TDRP: variants seen among roughly 807,000 people sequenced by gnomAD.
TDRP encodes the protein testis development related protein, also known as testis development-related protein.
In TDRP, 12 loss-of-function variants were observed where a neutral mutation model predicts 10.5. The observed-to-expected ratio is 1.15, with a 90% CI of 0.73 to 1.86. The LOEUF is 1.86. Ranked by LOEUF, TDRP falls within the 40% of genes most tolerant of loss-of-function variation. The pLI is 0.00. For synonymous variants in TDRP, 139 were observed against 95.4 expected, an observed-to-expected ratio of 1.46 and a Z score of -2.67; for missense variants, 353 against 229.2, an observed-to-expected ratio of 1.54 and a Z score of -3.49.
At chr8:515,812 G>C (rs1273373704) in intron 1 of TDRP, among the ~76,000 whole-genome samples, 1 of 151,906 alleles carries the variant, frequency 6.6e-6, no homozygotes, top group Non-Finnish European at 1.5e-5. Context: ...TATATAAACT[G>C]AATTATAGAT....
chr8:545,776 C>G (rs989995758), upstream of TDRP: 1 of 143,174 alleles, frequency 7.0e-6, no homozygotes, highest in Non-Finnish European at 1.5e-5. Context: ...GGGCTCGGCC[C>G]GGACTGACGG....
intron 1 of TDRP, among the ~76,000 whole-genome samples, chr8:543,034 G>A (rs567229675): frequency 5.9e-5 from 9 of 152,282 alleles, no homozygotes; most frequent in Non-Finnish European, 8.8e-5. Context: ...AAGGCCAGGC[G>A]TGGTGACTCA....
At chr8:496,530 G>T (rs551941535) in intron 1 of TDRP, among the ~76,000 whole-genome samples, 1 of 152,314 alleles carries the variant, frequency 6.6e-6, no homozygotes, top group African/African-American at 2.4e-5. Flanking sequence ...GCAAAGCCAA[G>T]GCTTGAGCTA....
chr8:545,772 G>C (rs544424433), upstream of TDRP: 5 of 152,068 alleles, frequency 3.3e-5, no homozygotes, highest in East Asian at 5.9e-4. Context: ...CCGCGGGCTC[G>C]GCCCGGACTG....
At chr8:499,150 C>T (rs550293328) in intron 1 of TDRP, among the ~76,000 whole-genome samples, 15 of 152,076 alleles carry the variant, frequency 9.9e-5, no homozygotes, top group Non-Finnish European at 2.1e-4. Flanking sequence ...TAAATTATTA[C>T]CTAGTGTTTC....
chr8:516,375 G>C (rs1584868701), intron 1 of TDRP, among the ~76,000 whole-genome samples: 2 of 152,156 alleles, frequency 1.3e-5, no homozygotes, highest in South Asian at 4.1e-4. Context: ...ATCTGATAAA[G>C]GATTGTTGTC....
intron 1 of TDRP, among the ~76,000 whole-genome samples, chr8:538,311 G>A (rs111260385): frequency 1.3e-5 from 2 of 152,164 alleles, no homozygotes; most frequent in South Asian, 2.1e-4. Context: ...GAGGAGGTTC[G>A]CACTGCAGGG....
chr8:535,124 G>A (rs1381935619), intron 1 of TDRP, among the ~76,000 whole-genome samples: 2 of 152,158 alleles, frequency 1.3e-5, no homozygotes, highest in Non-Finnish European at 2.9e-5. Context: ...AGATTAGAAA[G>A]CTACATCATG....
intron 1 of TDRP, among the ~76,000 whole-genome samples, chr8:495,893 T>A (rs1212378945): frequency 1.3e-5 from 2 of 152,200 alleles, no homozygotes; most frequent in Non-Finnish European, 2.9e-5. Flanking sequence ...AACCAGGGAC[T>A]AAGGGGTCCC....
At chr8:497,585 A>G (rs1801171119) in intron 1 of TDRP, among the ~76,000 whole-genome samples, 1 of 152,312 alleles carries the variant, frequency 6.6e-6, no homozygotes, top group East Asian at 1.9e-4. Context: ...TTGCAGCCTG[A>G]CCCTGCAAAT....
chr8:515,323 G>A (rs1801728885), intron 1 of TDRP, among the ~76,000 whole-genome samples: 1 of 152,194 alleles, frequency 6.6e-6, no homozygotes, highest in Non-Finnish European at 1.5e-5. Flanking sequence ...AAAACTATGA[G>A]TATATACATT....
intron 1 of TDRP, among the ~76,000 whole-genome samples, chr8:523,531 G>A (rs1432751286): frequency 6.6e-6 from 1 of 152,190 alleles, no homozygotes; most frequent in Admixed American, 6.5e-5. Flanking sequence ...TACTTGGATG[G>A]CATTTCTGGA....
At chr8:495,065 C>T (rs1471579359) in intron 1 of TDRP, 1 of 155,320 alleles carries the variant, frequency 6.4e-6, no homozygotes. Context: ...GACCCCGTTG[C>T]TACAAAAAAT....
At chr8:496,098 TTCCACATCACACAC>T (rs1801125338) in intron 1 of TDRP, among the ~76,000 whole-genome samples, 1 of 152,156 alleles carries the variant, frequency 6.6e-6, no homozygotes, top group Non-Finnish European at 1.5e-5. Context: ...GGTATCAGCT[TTCCACATCACACAC>T]TGCACAAAAA....
intron 1 of TDRP, among the ~76,000 whole-genome samples, chr8:534,583 C>T (rs1242173825): frequency 1.3e-5 from 2 of 152,070 alleles, no homozygotes; most frequent in Non-Finnish European, 2.9e-5. Context: ...TACTTGGGGG[C>T]TGTGAAAAAC....
At chr8:540,828 GGT>G (rs1391700458) in intron 1 of TDRP, among the ~76,000 whole-genome samples, 3 of 133,514 alleles carry the variant, frequency 2.2e-5, no homozygotes, top group Admixed American at 1.5e-4. Context: ...AAAAAAAAAA[GGT>G]GTGTAACCTG....
chr8:532,713 T>C (rs1802239078), intron 1 of TDRP, among the ~76,000 whole-genome samples: 2 of 152,228 alleles, frequency 1.3e-5, no homozygotes, highest in African/African-American at 2.4e-5. Context: ...CAACAAATTC[T>C]GTATCACAAA....
intron 1 of TDRP, among the ~76,000 whole-genome samples, chr8:540,806 T>TAA (rs60390652): frequency 1.6e-5 from 2 of 125,002 alleles, no homozygotes; most frequent in African/African-American, 6.0e-5. Context: ...CTTTTTCACG[T>TAA]AAAAAAAAAA....
intron 1 of TDRP, among the ~76,000 whole-genome samples, chr8:535,557 C>A (rs1345285297): frequency 6.6e-6 from 1 of 152,174 alleles, no homozygotes; most frequent in Non-Finnish European, 1.5e-5. Context: ...GAGCTTCAGT[C>A]TTTGGCTTTT....
Sources: allele counts gnomAD v4.1 joint callset (sites outside exome capture counted in the v4.1 genomes callset), GRCh38; gene constraint gnomAD v4.1.1; transcripts MANE v1.5; gene names NCBI Gene and HGNC (gene_info 2026-07-23, HGNC 2026-07-21).